The following ZFAT variants were observed in gnomAD, a reference collection of about 807,000 sequenced individuals.
ZFAT encodes zinc finger protein ZFAT.
In ZFAT, 64 loss-of-function variants were observed where a neutral mutation model predicts 117.7. That is an observed-to-expected ratio of 0.54 (90% confidence interval 0.44 to 0.67). The LOEUF (loss-of-function observed/expected upper bound fraction) is 0.67, where lower values mean the gene tolerates loss of function less well. ZFAT is among the 30% of genes least tolerant of loss of function. The probability of loss-of-function intolerance (pLI) is 0.00; values close to 1 mark genes in which losing one functional copy is unlikely to be tolerated. For synonymous variants in ZFAT, 679 were observed against 615.0 expected (o/e 1.10, Z -1.54); for missense variants, 1,433 against 1,584.5 (o/e 0.90, Z 1.62).
chr8:134,748,997 A>T, the ZFAT span, among the ~76,000 whole-genome samples: 24 of 152,272 alleles, frequency 1.6e-4, no homozygotes, highest in African/African-American at 5.5e-4. Flanking sequence ...AAGAAAAAAA[A>T]GTGCAGCCTA....
At chr8:134,538,726 G>A (rs965378536) in intron 11 of ZFAT, among the ~76,000 whole-genome samples, 1 of 148,060 alleles carries the variant, frequency 6.8e-6, no homozygotes, top group African/African-American at 2.5e-5. Context: ...GAACCTGGGA[G>A]ACAGAGGTCA....
intron 5 of ZFAT, among the ~76,000 whole-genome samples, chr8:134,606,158 C>T (rs1827874721): frequency 6.6e-6 from 1 of 152,194 alleles, no homozygotes; most frequent in Non-Finnish European, 1.5e-5. Context: ...ATGGCAGCAG[C>T]AAGAGTACTG....
At chr8:134,534,282 A>G (rs183199352) in intron 11 of ZFAT, among the ~76,000 whole-genome samples, 1 of 152,370 alleles carries the variant, frequency 6.6e-6, no homozygotes, top group Admixed American at 6.5e-5. Context: ...TTCTATCACA[A>G]TTCTTACTGT....
At chr8:134,809,674 C>G in the ZFAT span, among the ~76,000 whole-genome samples, 6 of 152,158 alleles carry the variant, frequency 3.9e-5, no homozygotes, top group African/African-American at 7.2e-5. Flanking sequence ...TCCTAGGATG[C>G]ATGAATGGAT....
intron 15 of ZFAT, among the ~76,000 whole-genome samples, chr8:134,493,114 C>T (rs1301966372): frequency 6.6e-6 from 1 of 152,216 alleles, no homozygotes; most frequent in African/African-American, 2.4e-5. Flanking sequence ...GTATCAATCC[C>T]ATGCACAGTG....
chr8:134,497,415 C>T (rs1423011103), intron 15 of ZFAT, among the ~76,000 whole-genome samples: 14 of 151,756 alleles, frequency 9.2e-5, no homozygotes, highest in African/African-American at 3.4e-4. Context: ...TGGTTACACA[C>T]AGAGCCTGAT....
chr8:134,763,136 G>A, the ZFAT span, among the ~76,000 whole-genome samples: 3 of 152,284 alleles, frequency 2.0e-5, no homozygotes, highest in African/African-American at 7.2e-5. Flanking sequence ...GCTTGTGATA[G>A]AAATAAAAAT....
At chr8:134,812,937 A>C in the ZFAT span, among the ~76,000 whole-genome samples, 3 of 152,224 alleles carry the variant, frequency 2.0e-5, no homozygotes, top group African/African-American at 7.2e-5. Context: ...CAATGTACCC[A>C]GAGTCACAAG....
the ZFAT span, among the ~76,000 whole-genome samples, chr8:134,813,147 C>G: frequency 2.0e-5 from 3 of 152,212 alleles, no homozygotes; most frequent in Non-Finnish European, 2.9e-5. Flanking sequence ...ACAGAAAATA[C>G]TTGCAAAGTT....
intron 3 of ZFAT, among the ~76,000 whole-genome samples, chr8:134,621,943 T>G (rs1829143154): frequency 6.6e-6 from 1 of 152,264 alleles, no homozygotes; most frequent in Non-Finnish European, 1.5e-5. Flanking sequence ...ATCCAGGCTC[T>G]GCCTTTCAGC....
At chr8:134,603,793 G>A (rs901179747) in intron 5 of ZFAT, among the ~76,000 whole-genome samples, 1 of 152,194 alleles carries the variant, frequency 6.6e-6, no homozygotes, top group East Asian at 1.9e-4. Flanking sequence ...GGGTGGGAGA[G>A]AAAGTCTGTC....
intron 11 of ZFAT, among the ~76,000 whole-genome samples, chr8:134,552,209 CCT>C (rs1491006301): frequency 1.4e-5 from 2 of 143,916 alleles, no homozygotes; most frequent in African/African-American, 2.5e-5. Context: ...ATCCTCTGCC[CCT>C]GTCATGGTGC....
chr8:134,574,849 T>G (rs2130810998), intron 10 of ZFAT, among the ~76,000 whole-genome samples: 1 of 152,292 alleles, frequency 6.6e-6, no homozygotes, highest in Admixed American at 6.5e-5. Context: ...AAGGTGGTAT[T>G]TTACATAAGT....
chr8:134,588,143 C>G, intron 9 of ZFAT, 103 bp downstream of exon 9: 1 of 1,332,828 alleles, frequency 7.5e-7, no homozygotes, highest in Non-Finnish European at 1.0e-6. Flanking sequence ...GAAATTCTAA[C>G]AGCAGGGATG....
At chr8:134,500,493 T>C (rs1818892301) in intron 15 of ZFAT, among the ~76,000 whole-genome samples, 1 of 152,220 alleles carries the variant, frequency 6.6e-6, no homozygotes, top group African/African-American at 2.4e-5. Context: ...AGACCATTTC[T>C]CATATGGCCA....
chr8:134,533,008 G>GC, intron 11 of ZFAT, 36 bp from the exon 12 acceptor site: 1 of 1,575,314 alleles, frequency 6.3e-7, no homozygotes, highest in Non-Finnish European at 8.6e-7. Flanking sequence ...GGAAAGGTGA[G>GC]CCCCAGATGT....
At chr8:134,723,939 C>T in the ZFAT span, 1 of 152,202 alleles carries the variant, frequency 6.6e-6, no homozygotes, top group Non-Finnish European at 1.5e-5. Context: ...AAAACAATGT[C>T]TCACATAAAA....
chr8:134,491,045 G>A (rs1405560500), intron 15 of ZFAT, among the ~76,000 whole-genome samples: 1 of 152,164 alleles, frequency 6.6e-6, no homozygotes, highest in African/African-American at 2.4e-5. Context: ...TCACAACCAA[G>A]AATTGTTCTG....
the ZFAT span, among the ~76,000 whole-genome samples, chr8:134,747,783 T>G: frequency 6.6e-6 from 1 of 152,200 alleles, no homozygotes; most frequent in South Asian, 2.1e-4. Flanking sequence ...TTTGTGTATC[T>G]AATTCCTTTT....
Sources: gnomAD v4.1 joint callset for allele counts (sites outside exome capture counted in the v4.1 genomes callset) on GRCh38, gnomAD v4.1.1 for gene constraint, MANE v1.5 for transcripts, NCBI Gene and HGNC (gene_info 2026-07-23, HGNC 2026-07-21) for gene names.